Variants in CCIN observed in about 807,000 individuals in gnomAD.
The protein encoded by CCIN is testis tissue sperm-binding protein Li 65n.
CCIN carries 15 observed loss-of-function variants against 32.2 expected under a neutral mutation model. The ratio of observed to expected loss-of-function variants is 0.47; its 90% CI spans 0.31 to 0.72. The LOEUF is 0.72. Ranked by LOEUF, CCIN falls within the 30% of genes least tolerant of loss-of-function variation. The probability of loss-of-function intolerance (pLI) is 0.05; values close to 1 mark genes in which losing one functional copy is unlikely to be tolerated. For missense variants in CCIN, 623 were observed against 759.4 expected, an observed-to-expected ratio of 0.82 and a Z score of 2.11; for synonymous variants, 302 against 297.4, an observed-to-expected ratio of 1.02 and a Z score of -0.16.
chr9:36,170,005 G>C lies in CCIN; in HGVS notation c.503G>C (p.Gly168Ala). 6.2e-7 allele frequency: 1 copy of C among 1,613,978 alleles called. No homozygotes were observed. Among genetic ancestry groups the C allele is most frequent in the Admixed American group, 1.7e-5 (1 of 60,024 alleles). ...DNFHYWASPE[G>A]SMHFMRCPPV... The stretch of plus-strand genomic sequence containing the variant: ...TTCCACTACTGGGCCAGTCCTGAGG[G>C]CTCCATGCACTTCATGCGCTGTCCA... Residue 168 changes from glycine (G) to alanine (A), a missense_variant, in exon 1 of 1, where the codon GGC (glycine) becomes GCC (alanine). Physicochemically the swap from Gly to Ala is moderately conservative, Grantham distance 60 (BLOSUM62 0). Coordinates refer to ENST00000335119, the MANE Select transcript of CCIN (RefSeq NM_005893.3).
At position 36,169,458 on chromosome 9, in the gene CCIN, T is replaced by C. The variant is rs1182136577; in HGVS notation, c.-45T>C. 6.3e-7 allele frequency: 1 copy of C among 1,594,310 alleles called. No homozygotes were observed. Among genetic ancestry groups the C allele is most frequent in the African/African-American group, 1.3e-5 (1 of 74,246 alleles). ...ATCCCACAGGCCTGAGAAAGTCTGC[T>C]CTCCAGTACCTGCTGCTGATCTGTT... is the stretch of plus-strand genomic sequence containing the variant. On this transcript the variant is annotated 5_prime_UTR_variant, in exon 1 of 1. Transcript: ENST00000335119.
rs774554049 is a variant in CCIN, at chr9:36,170,274, A to T, written c.772A>T (p.Met258Leu). The change falls in exon 1 of 1, where the codon ATG (methionine) becomes TTG (leucine). Residue 258 changes from methionine to leucine, a missense_variant. Physicochemically the swap from Met to Leu is conservative, Grantham distance 15. Transcript: ENST00000335119. ...SHTTLIESVLMDRKQERPCSL... is the reference protein window; with the variant it reads ...SHTTLIESVLLDRKQERPCSL... ...TACAACCCTGATTGAGAGTGTCCTGATGGACCGCAAGCAGGAGCGGCCATG... is the reference window on the plus strand; with the variant it reads ...TACAACCCTGATTGAGAGTGTCCTGTTGGACCGCAAGCAGGAGCGGCCATG... The T allele has an allele frequency of 2.0e-5, 33 of 1,613,998 alleles. 1 individual carries two copies. In the South Asian group the frequency reaches 2.4e-4, roughly 12 times the overall value.
chr9:36,170,023 G>T lies in CCIN; in HGVS notation c.521G>T (p.Arg174Leu). The T allele has an allele frequency of 6.2e-7, 1 of 1,613,970 alleles. No individual in the cohort carries two copies. The highest frequency in any genetic ancestry group is 2.2e-5 in the East Asian group (1 of 44,876). ...ASPEGSMHFM[R>L]CPPVIFGRLL... ...CCTGAGGGCTCCATGCACTTCATGC[G>T]CTGTCCACCTGTTATCTTTGGCCGC... The change falls in exon 1 of 1, where the codon CGC becomes CTC. Residue 174 changes from arginine (R) to leucine (L), a missense_variant. Transcript: ENST00000335119.
In CCIN at chr9:36,169,481, G is replaced by C. The variant is rs747699563; in HGVS notation, c.-22G>C. 1 of 1,613,040 alleles carries C rather than the reference G, an allele frequency of 6.2e-7. No homozygotes were observed. Among genetic ancestry groups the C allele is most frequent in the East Asian group, 2.2e-5 (1 of 44,880 alleles). ...GCTCTCCAGTACCTGCTGCTGATCT[G>C]TTTCAGCCGACAAGAGGCACCATGA... On this transcript the variant is annotated 5_prime_UTR_variant, in exon 1 of 1. Coordinates refer to ENST00000335119, the MANE Select transcript of CCIN (RefSeq NM_005893.3).
Position 36,170,553 on chromosome 9 carries a change from G to T in CCIN, c.1051G>T (p.Asp351Tyr). Residue 351 changes from aspartate to tyrosine, a missense_variant, in exon 1 of 1, where the codon GAT becomes TAT. By Grantham distance (160) the Asp-to-Tyr change is radical. Coordinates refer to ENST00000335119, the MANE Select transcript of CCIN (RefSeq NM_005893.3). ...GLKTAWRYDM[D>Y]DNSWTKLPDL... ...GAAGACAGCCTGGCGGTATGACATG[G>T]ATGACAACTCCTGGACCAAGTTGCC... 6.2e-7 allele frequency: 1 copy of T among 1,614,134 alleles called. No individual in the cohort carries two copies. The highest frequency in any genetic ancestry group is 8.5e-7 in the Non-Finnish European group (1 of 1,180,036).
At position 36,170,449 on chromosome 9, in the gene CCIN, G is replaced by A. The variant is rs201741249; in HGVS notation, c.947G>A (p.Arg316Gln). The change falls in exon 1 of 1, where the codon CGG becomes CAG. Residue 316 changes from arginine to glutamine, a missense_variant. Coordinates refer to ENST00000335119, the MANE Select transcript of CCIN (RefSeq NM_005893.3). ...ATGAAGCTCTCAGACATGCCCTATC[G>A]GGCAGCAGCACTTAGTGCCACCTCT... is the stretch of plus-strand genomic sequence containing the variant. ...LWMKLSDMPYRAAALSATSAG... is the reference protein window; with the variant it reads ...LWMKLSDMPYQAAALSATSAG... 62 of 1,614,056 alleles carry A rather than the reference G, an allele frequency of 3.8e-5. No individual in the cohort carries two copies. Among genetic ancestry groups the A allele is most frequent in the African/African-American group, 9.3e-5 (7 of 75,066 alleles).
chr9:36,169,893 G>A lies in CCIN; in HGVS notation c.391G>A (p.Ala131Thr), dbSNP rs747399760. 1.2e-6 allele frequency: 2 copies of A among 1,614,104 alleles called. No homozygotes were observed. Among genetic ancestry groups the A allele is most frequent in the South Asian group, 1.1e-5 (1 of 91,084 alleles). The change falls in exon 1 of 1, where the codon GCC (alanine) becomes ACC (threonine). Residue 131 changes from alanine (A) to threonine (T), a missense_variant. By Grantham distance (58) the Ala-to-Thr change is moderately conservative. Coordinates refer to ENST00000335119, the MANE Select transcript of CCIN (RefSeq NM_005893.3). ...NDFLIKSICR[A>T]NCLRYLFLAE... is the part of the protein sequence containing the mutation. Reference sequence around the variant, plus strand: ...CTTCCTTATTAAGTCCATCTGCCGTGCCAACTGCTTGCGCTACCTCTTCTT... The same window carrying A: ...CTTCCTTATTAAGTCCATCTGCCGTACCAACTGCTTGCGCTACCTCTTCTT...
At position 36,169,470 on chromosome 9, in the gene CCIN, G is replaced by A. The variant is rs1239782200; in HGVS notation, c.-33G>A. Reference sequence around the variant, plus strand: ...TGAGAAAGTCTGCTCTCCAGTACCTGCTGCTGATCTGTTTCAGCCGACAAG... The same window carrying A: ...TGAGAAAGTCTGCTCTCCAGTACCTACTGCTGATCTGTTTCAGCCGACAAG... On this transcript the variant is annotated 5_prime_UTR_variant, in exon 1 of 1. Coordinates refer to ENST00000335119, the MANE Select transcript of CCIN (RefSeq NM_005893.3). The A allele has an allele frequency of 6.2e-7, 1 of 1,608,254 alleles. No individual in the cohort carries two copies. Among genetic ancestry groups the A allele is most frequent in the Admixed American group, 1.7e-5 (1 of 59,808 alleles).
chr9:36,170,971 T>A lies in CCIN; in HGVS notation c.1469T>A (p.Ile490Asn). Reference sequence around the variant, plus strand: ...CACAGCCACCGGCAGAGTGTGGAAATCAATCTGCAGAAGGTGAAGGCAAGC... The same window carrying A: ...CACAGCCACCGGCAGAGTGTGGAAAACAATCTGCAGAAGGTGAAGGCAAGC... ...CVHSHRQSVE[I>N]NLQKVKASKT... Residue 490 changes from isoleucine (I) to asparagine (N), a missense_variant, in exon 1 of 1, where the codon ATC (isoleucine) becomes AAC (asparagine). By Grantham distance (149) the Ile-to-Asn change is moderately radical (BLOSUM62 -3). Coordinates refer to ENST00000335119, the MANE Select transcript of CCIN (RefSeq NM_005893.3). 3.1e-6 allele frequency: 5 copies of A among 1,614,178 alleles called. No individual in the cohort carries two copies. The highest frequency in any genetic ancestry group is 2.5e-6 in the Non-Finnish European group (3 of 1,180,036).
At position 36,171,187 on chromosome 9, in the gene CCIN, C is replaced by T. The variant is rs1452936232; in HGVS notation, c.1685C>T (p.Thr562Ile). The T allele has an allele frequency of 6.2e-7, 1 of 1,614,082 alleles. No homozygotes were observed. Among genetic ancestry groups the T allele is most frequent in the East Asian group, 2.2e-5 (1 of 44,906 alleles). ...LLDQKTGKWK[T>I]LAPPPEALDC... ...GACCAAAAGACAGGCAAGTGGAAGA[C>T]CCTGGCTCCTCCACCAGAGGCACTG... Residue 562 changes from threonine (T) to isoleucine (I), a missense_variant, in exon 1 of 1, where the codon ACC (threonine) becomes ATC (isoleucine). Coordinates refer to ENST00000335119, the MANE Select transcript of CCIN (RefSeq NM_005893.3).
In CCIN at chr9:36,170,707, T is replaced by C; in HGVS notation, c.1205T>C (p.Val402Ala). The C allele has an allele frequency of 6.2e-7, 1 of 1,614,226 alleles. No homozygotes were observed. The highest frequency in any genetic ancestry group is 8.5e-7 in the Non-Finnish European group (1 of 1,180,044). Residue 402 changes from valine (V) to alanine (A), a missense_variant, in exon 1 of 1, where the codon GTC (valine) becomes GCC (alanine). Coordinates refer to ENST00000335119, the MANE Select transcript of CCIN (RefSeq NM_005893.3). Reference sequence around the variant, plus strand: ...TATCGCTATGATGAGCGGAAGGAAGTCTGGTGCCTGGCAGGAAAGATGAGC... The same window carrying C: ...TATCGCTATGATGAGCGGAAGGAAGCCTGGTGCCTGGCAGGAAAGATGAGC... ...NIYRYDERKE[V>A]WCLAGKMSIP...
At position 36,169,488 on chromosome 9, in the gene CCIN, C is replaced by G; in HGVS notation, c.-15C>G. 2.5e-6 allele frequency: 4 copies of G among 1,613,654 alleles called. No individual in the cohort carries two copies. The highest frequency in any genetic ancestry group is 3.4e-6 in the Non-Finnish European group (4 of 1,179,608). ...AGTACCTGCTGCTGATCTGTTTCAG[C>G]CGACAAGAGGCACCATGAAATTGGA... is the stretch of plus-strand genomic sequence containing the variant. On this transcript the variant is annotated 5_prime_UTR_variant, in exon 1 of 1. Coordinates refer to ENST00000335119, the MANE Select transcript of CCIN (RefSeq NM_005893.3).
At position 36,169,629 on chromosome 9, in the gene CCIN, C is replaced by G. The variant is rs200340423; in HGVS notation, c.127C>G (p.Arg43Gly). Residue 43 changes from arginine to glycine, a missense_variant, in exon 1 of 1, where the codon CGC becomes GGC. By Grantham distance (125) the Arg-to-Gly change is moderately radical. Coordinates refer to ENST00000335119, the MANE Select transcript of CCIN (RefSeq NM_005893.3). ...SVDNHVFFAHRNVLAAVSPLV... is the reference protein window; with the variant it reads ...SVDNHVFFAHGNVLAAVSPLV... Reference sequence around the variant, plus strand: ...GGACAACCACGTCTTCTTTGCACATCGCAATGTGCTGGCTGCTGTCTCCCC... The same window carrying G: ...GGACAACCACGTCTTCTTTGCACATGGCAATGTGCTGGCTGCTGTCTCCCC... 6.2e-7 allele frequency: 1 copy of G among 1,614,206 alleles called. No homozygotes were observed. Among genetic ancestry groups the G allele is most frequent in the Non-Finnish European group, 8.5e-7 (1 of 1,180,038 alleles).
rs554062664 is a variant in CCIN at position 36,169,554 on chromosome 9, C to A, written c.52C>A (p.Leu18Met). The change falls in exon 1 of 1, where the codon CTG becomes ATG. Residue 18 changes from leucine to methionine, a missense_variant. Physicochemically the swap from Leu to Met is conservative, Grantham distance 15. Coordinates refer to ENST00000335119, the MANE Select transcript of CCIN (RefSeq NM_005893.3). ...CTACAATAGCTTCGTGCTGCAGAAC[C>A]TGAACAGACAGAGGAAACGCAAAGA... is the stretch of plus-strand genomic sequence containing the variant. Reference protein sequence around the residue: ...KNYNSFVLQNLNRQRKRKEYW... With the variant: ...KNYNSFVLQNMNRQRKRKEYW... The A allele has an allele frequency of 4.3e-6, 7 of 1,614,216 alleles. No individual in the cohort carries two copies. In the South Asian group the frequency reaches 7.7e-5, roughly 18 times the overall value.
In CCIN at chr9:36,170,303, C is replaced by A; in HGVS notation, c.801C>A (p.Ser267Arg). ...ACCGCAAGCAGGAGCGGCCATGCAG[C>A]CTGCTGGTCTACCAGCGGAAAGGGG... Reference protein sequence around the residue: ...LMDRKQERPCSLLVYQRKGAL... With the variant: ...LMDRKQERPCRLLVYQRKGAL... Residue 267 changes from serine (S) to arginine (R), a missense_variant, in exon 1 of 1, where the codon AGC becomes AGA. Ser to Arg is a moderately radical substitution (Grantham distance 110). Transcript: ENST00000335119. The A allele has an allele frequency of 6.2e-7, 1 of 1,614,164 alleles. No individual in the cohort carries two copies. Among genetic ancestry groups the A allele is most frequent in the Non-Finnish European group, 8.5e-7 (1 of 1,180,036 alleles).
In CCIN at chr9:36,170,041, T is replaced by C. The variant is rs1826288236; in HGVS notation, c.539T>C (p.Phe180Ser). The part of the protein sequence containing the change: ...MHFMRCPPVI[F>S]GRLLRDENLH... ...TTCATGCGCTGTCCACCTGTTATCT[T>C]TGGCCGCCTGCTCCGTGATGAAAAC... Residue 180 changes from phenylalanine (F) to serine (S), a missense_variant, in exon 1 of 1, where the codon TTT becomes TCT. Coordinates refer to ENST00000335119, the MANE Select transcript of CCIN (RefSeq NM_005893.3). 6.2e-7 allele frequency: 1 copy of C among 1,614,128 alleles called. No homozygotes were observed. The highest frequency in any genetic ancestry group is 8.5e-7 in the Non-Finnish European group (1 of 1,180,030).
At position 36,170,882 on chromosome 9, in the gene CCIN, C is replaced by G. The variant is rs369747102; in HGVS notation, c.1380C>G (p.Thr460=). 8 of 1,614,136 alleles carry G rather than the reference C, an allele frequency of 5.0e-6. No homozygotes were observed. In the African/African-American group the frequency reaches 8.0e-5, roughly 16 times the overall value. ...CTGGGGACGTGGTCCAGTGTATCAC[C>G]TTCCCCATTGAGTTCAACCATCGGC... The part of the protein sequence containing the change: ...TSTGDVVQCI[T]FPIEFNHRPL... The change falls in exon 1 of 1, where the codon ACC becomes ACG. Residue 460 remains threonine (T), a synonymous_variant. Transcript: ENST00000335119.
Position 36,169,585 on chromosome 9 carries a change from G to A in CCIN, c.83G>A (p.Trp28Ter). 6.2e-7 allele frequency: 1 copy of A among 1,614,226 alleles called. No individual in the cohort carries two copies. The highest frequency in any genetic ancestry group is 8.5e-7 in the Non-Finnish European group (1 of 1,180,042). The change falls in exon 1 of 1, where the codon TGG (tryptophan) becomes TAG (stop). Residue 28 changes from tryptophan (W) to a stop codon, truncating the protein, a stop_gained. Coordinates refer to ENST00000335119, the MANE Select transcript of CCIN (RefSeq NM_005893.3). LOFTEE classifies it high-confidence loss of function. ...AGACAGAGGAAACGCAAAGAGTACT[G>A]GGACATGGCCCTGAGTGTGGACAAC... ...LNRQRKRKEYWDMALSVDNHV... is the reference protein window; with the variant it reads ...LNRQRKRKEY
chr9:36,170,771 C>T lies in CCIN; in HGVS notation c.1269C>T (p.Asp423=). 1 of 1,614,278 alleles carries T rather than the reference C, an allele frequency of 6.2e-7. No homozygotes were observed. The highest frequency in any genetic ancestry group is 8.5e-7 in the Non-Finnish European group (1 of 1,180,050). Residue 423 remains aspartate, a synonymous_variant, in exon 1 of 1, where the codon GAC becomes GAT. Coordinates refer to ENST00000335119, the MANE Select transcript of CCIN (RefSeq NM_005893.3). ...MDGTAVITKG[D]RHLYIVTGRC... ...GCACCGCCGTGATCACTAAAGGAGA[C>T]AGGCATCTGTACATTGTCACTGGAC...
Sources: allele counts gnomAD v4.1 joint callset, GRCh38; gene constraint gnomAD v4.1.1; transcripts MANE v1.5; gene names NCBI Gene and HGNC (gene_info 2026-07-23, HGNC 2026-07-21).